MYO3B: variants seen among roughly 807,000 people sequenced by gnomAD.
MYO3B encodes myosin IIIB.
Under a neutral mutation model 174.6 loss-of-function variants are expected in MYO3B, and 156 were observed. That is an observed-to-expected ratio of 0.89 (90% confidence interval 0.78 to 1.02). The LOEUF (loss-of-function observed/expected upper bound fraction) is 1.02, where lower values mean the gene tolerates loss of function less well. MYO3B is among the 50% of genes least tolerant of loss of function. The pLI is 0.00. For synonymous variants in MYO3B, 563 were observed against 569.1 expected (o/e 0.99, Z 0.15); for missense variants, 1,632 against 1,639.4 (o/e 1.00, Z 0.08).
At chr2:170,501,287 A>G (rs2106083593) in intron 27 of MYO3B, among the ~76,000 whole-genome samples, 1 of 152,150 alleles carries the variant, frequency 6.6e-6, no homozygotes, top group South Asian at 2.1e-4. Flanking sequence ...ACAGCAAATG[A>G]CAGTGTTGTG....
intron 7 of MYO3B, among the ~76,000 whole-genome samples, chr2:170,242,075 A>C (rs1227258524): frequency 6.6e-6 from 1 of 152,154 alleles, no homozygotes; most frequent in Non-Finnish European, 1.5e-5. Flanking sequence ...AGGGGTGCTG[A>C]GTGTTTAATG....
At chr2:170,238,884 T>C (rs905285997) in intron 7 of MYO3B, among the ~76,000 whole-genome samples, 8 of 152,220 alleles carry the variant, frequency 5.3e-5, no homozygotes, top group African/African-American at 1.7e-4. Context: ...ACCTTCTCCT[T>C]TCTCTTGACC....
At chr2:170,429,571 T>A (rs887807698) in intron 22 of MYO3B, among the ~76,000 whole-genome samples, 2 of 152,210 alleles carry the variant, frequency 1.3e-5, no homozygotes, top group Non-Finnish European at 2.9e-5. Flanking sequence ...AAATAATAAA[T>A]GTTTTAATGC....
At chr2:170,226,653 G>A (rs1175349869) in intron 6 of MYO3B, among the ~76,000 whole-genome samples, 1 of 152,162 alleles carries the variant, frequency 6.6e-6, no homozygotes, top group African/African-American at 2.4e-5. Flanking sequence ...GTGGTGATAT[G>A]TTATTACCCT....
chr2:170,225,107 G>T (rs545758183), intron 6 of MYO3B, among the ~76,000 whole-genome samples: 110 of 152,334 alleles, frequency 7.2e-4, no homozygotes, highest in African/African-American at 2.5e-3. Flanking sequence ...CTAGCTAATG[G>T]GTTTGGTTCC....
intron 9 of MYO3B, among the ~76,000 whole-genome samples, chr2:170,379,507 T>G (rs1462252378): frequency 6.6e-6 from 1 of 152,202 alleles, no homozygotes; most frequent in Non-Finnish European, 1.5e-5. Flanking sequence ...TTTTGTTTTT[T>G]GATTAACTTC....
intron 28 of MYO3B, among the ~76,000 whole-genome samples, chr2:170,503,863 G>A (rs1043094012): frequency 4.6e-5 from 7 of 152,200 alleles, no homozygotes; most frequent in Non-Finnish European, 7.3e-5. Context: ...AGCCAACACC[G>A]TGGACAGGAA....
chr2:170,410,634 T>G (rs1208997527), intron 22 of MYO3B, among the ~76,000 whole-genome samples: 2 of 147,330 alleles, frequency 1.4e-5, no homozygotes, highest in Non-Finnish European at 3.0e-5. Flanking sequence ...TAGAGGCAAT[T>G]AGCTCAAAGC....
At chr2:170,385,578 C>G (rs2094367859) in intron 12 of MYO3B, among the ~76,000 whole-genome samples, 1 of 152,024 alleles carries the variant, frequency 6.6e-6, no homozygotes, top group Non-Finnish European at 1.5e-5. Flanking sequence ...AAAATATCAA[C>G]AATACAATAA....
chr2:170,404,253 T>G lies in MYO3B; in HGVS notation c.2284T>G (p.Tyr762Asp). Residue 762 changes from tyrosine (Y) to aspartate (D), a missense_variant, in exon 20 of 35, where the codon TAT becomes GAT. Coordinates refer to ENST00000408978, the MANE Select transcript of MYO3B (RefSeq NM_138995.5). ...ACAATCCATTTCCCTCCAGATGGAA[T>G]ATCAGAATGAAGGCATTGATGCTGT... ...QHVFALEQME[Y>D]QNEGIDAVPV... is the part of the protein sequence containing the mutation. The G allele has an allele frequency of 6.2e-7, 1 of 1,603,298 alleles. No homozygotes were observed. Among genetic ancestry groups the G allele is most frequent in the Non-Finnish European group, 8.5e-7 (1 of 1,175,844 alleles).
rs2094466659 is a variant in MYO3B, at chr2:170,400,331, T to C, written c.1918+17T>C. On this transcript the variant is annotated intron_variant, in intron 17 of 34. Coordinates refer to ENST00000408978, the MANE Select transcript of MYO3B (RefSeq NM_138995.5). Reference sequence around the variant, plus strand: ...TGCAAAATGGTAATTATTTGATATTTGTGGGCTGTGTTGTTGCCAAAGCAC... The same window carrying C: ...TGCAAAATGGTAATTATTTGATATTCGTGGGCTGTGTTGTTGCCAAAGCAC... 28 of 1,613,618 alleles carry C rather than the reference T, an allele frequency of 1.7e-5. No homozygotes were observed. The highest frequency in any genetic ancestry group is 2.4e-5 in the Non-Finnish European group (28 of 1,179,808).
intron 25 of MYO3B, among the ~76,000 whole-genome samples, chr2:170,491,138 G>T (rs907182391): frequency 2.6e-5 from 4 of 151,982 alleles, no homozygotes; most frequent in African/African-American, 9.7e-5. Flanking sequence ...TCTTATGGTG[G>T]AGGTGAGGTC....
intron 16 of MYO3B, among the ~76,000 whole-genome samples, chr2:170,397,993 G>A (rs541021241): frequency 2.6e-5 from 4 of 152,098 alleles, no homozygotes; most frequent in Non-Finnish European, 4.4e-5. Context: ...AGTCCGAGGC[G>A]GGTGGATCAC....
chr2:170,558,956 T>G (rs1013447766), intron 32 of MYO3B, among the ~76,000 whole-genome samples: 2 of 152,244 alleles, frequency 1.3e-5, no homozygotes, highest in Non-Finnish European at 2.9e-5. Flanking sequence ...CTACTTCACA[T>G]GTAGTAAGCA....
At chr2:170,380,235 A>G (rs757799745) in intron 9 of MYO3B, among the ~76,000 whole-genome samples, 3 of 151,718 alleles carry the variant, frequency 2.0e-5, no homozygotes, top group Non-Finnish European at 2.9e-5. Flanking sequence ...TATGTAGGAC[A>G]GTTTATGTAT....
At chr2:170,374,764 C>CACACAT (rs143456822) in intron 9 of MYO3B, among the ~76,000 whole-genome samples, 6,438 of 60,830 alleles carry the variant, frequency 0.11, 331 homozygotes, top group East Asian at 0.31. Flanking sequence ...TACATACACA[C>CACACAT]ACACACACAC....
intron 30 of MYO3B, among the ~76,000 whole-genome samples, chr2:170,528,151 A>T (rs566702854): frequency 6.6e-6 from 1 of 152,348 alleles, no homozygotes; most frequent in South Asian, 2.1e-4. Context: ...TTCTATTAAC[A>T]CCATGTCATT....
intron 32 of MYO3B, among the ~76,000 whole-genome samples, chr2:170,561,697 A>G (rs1691720948): frequency 6.6e-6 from 1 of 152,186 alleles, no homozygotes; most frequent in Admixed American, 6.5e-5. Context: ...TTTTCTTCCC[A>G]TGTGGTAGTT....
chr2:170,191,312 C>G (rs2105319700), intron 1 of MYO3B, among the ~76,000 whole-genome samples: 1 of 152,168 alleles, frequency 6.6e-6, no homozygotes, highest in Non-Finnish European at 1.5e-5. Flanking sequence ...AGGGGTGGCA[C>G]AAATACTCCC....
Sources: allele counts gnomAD v4.1 joint callset (sites outside exome capture counted in the v4.1 genomes callset), GRCh38; gene constraint gnomAD v4.1.1; transcripts MANE v1.5; gene names NCBI Gene and HGNC (gene_info 2026-07-23, HGNC 2026-07-21).